Variants in PPFIBP2 observed in about 807,000 individuals in gnomAD.
The protein encoded by PPFIBP2 is liprin-beta-2.
PPFIBP2 carries 118 observed loss-of-function variants against 118.3 expected under a neutral mutation model. The observed-to-expected ratio is 1.00, with a 90% CI of 0.86 to 1.16. The LOEUF (loss-of-function observed/expected upper bound fraction) is 1.16. Ranked by LOEUF, PPFIBP2 falls within the 50% of genes most tolerant of loss-of-function variation. The probability of loss-of-function intolerance (pLI) is 0.00; values close to 1 mark genes in which losing one functional copy is unlikely to be tolerated. For synonymous variants in PPFIBP2, 414 were observed against 397.4 expected (o/e 1.04, Z -0.50); for missense variants, 1,195 against 1,073.1 (o/e 1.11, Z -1.59).
intron 5 of PPFIBP2, among the ~76,000 whole-genome samples, chr11:7,606,247 A>C (rs1847326269): frequency 6.6e-6 from 1 of 152,198 alleles, no homozygotes; most frequent in Non-Finnish European, 1.5e-5. Context: ...GACGGGGAAG[A>C]ATGTGTAATA....
At chr11:7,658,487 T>C (rs1276534680), downstream of PPFIBP2, among the ~76,000 whole-genome samples, 1 of 90,212 alleles carries the variant, frequency 1.1e-5, no homozygotes, top group Non-Finnish European at 2.1e-5. Context: ...CATCATTTTT[T>C]ATGGCTGCAT....
chr11:7,666,347 C>A, the PPFIBP2 span: 1 of 743,896 alleles, frequency 1.3e-6, no homozygotes. Context: ...ACCCCCACAT[C>A]TGGTCCTACA....
downstream of PPFIBP2, chr11:7,656,607 T>TA: frequency 1.8e-6 from 1 of 556,628 alleles, no homozygotes; most frequent in Non-Finnish European, 3.1e-6. Context: ...ACTATAAACT[T>TA]ATAGTGCACC....
intron 1 of PPFIBP2, among the ~76,000 whole-genome samples, chr11:7,534,460 A>G (rs1199046207): frequency 6.6e-6 from 1 of 152,208 alleles, no homozygotes; most frequent in Non-Finnish European, 1.5e-5. Context: ...GGTTGAGGCA[A>G]TGAAATAATT....
At chr11:7,516,053 C>T (rs1459034152) in intron 1 of PPFIBP2, among the ~76,000 whole-genome samples, 1 of 152,220 alleles carries the variant, frequency 6.6e-6, no homozygotes, top group Admixed American at 6.5e-5. Context: ...GTTTGCAAAC[C>T]TGGCTATGCC....
rs1338197118 is a variant in PPFIBP2 at position 7,651,685 on chromosome 11, C to T, written c.2277C>T (p.Thr759=). Residue 759 remains threonine (T), a synonymous_variant, in exon 23 of 24, where the codon ACC becomes ACT. Transcript: ENST00000299492. ...TGGAGCCACGCTTCACTGGGGACAC[C>T]CTGGCTATGCTTCTCAACATCCCCC... ...IILEPRFTGD[T]LAMLLNIPPQ... The T allele has an allele frequency of 6.2e-7, 1 of 1,612,656 alleles. No homozygotes were observed. Among genetic ancestry groups the T allele is most frequent in the South Asian group, 1.1e-5 (1 of 90,914 alleles).
chr11:7,639,327 T>C (rs1184034619), intron 14 of PPFIBP2, among the ~76,000 whole-genome samples: 1 of 152,228 alleles, frequency 6.6e-6, no homozygotes, highest in African/African-American at 2.4e-5. Flanking sequence ...TGTATGTATG[T>C]ATGATAAAAC....
chr11:7,655,555 TTGGTG>T (rs796112167), downstream of PPFIBP2: 8 of 1,250,460 alleles, frequency 6.4e-6, no homozygotes, highest in South Asian at 1.2e-5. Flanking sequence ...CCCAGTGAGT[TTGGTG>T]TGGTGTGGTG....
intron 3 of PPFIBP2, among the ~76,000 whole-genome samples, chr11:7,575,017 C>G (rs961123355): frequency 1.3e-5 from 2 of 152,108 alleles, no homozygotes; most frequent in African/African-American, 4.8e-5. Context: ...CTGCACCCCC[C>G]ACCTTTGTTC....
At chr11:7,606,067 T>C in intron 5 of PPFIBP2, 2 of 1,512,104 alleles carry the variant, frequency 1.3e-6, no homozygotes, top group East Asian at 2.5e-5. Context: ...AGTAGGTTGG[T>C]TCCTTCGGTT....
chr11:7,617,456 A>T (rs1848793873), intron 6 of PPFIBP2, among the ~76,000 whole-genome samples: 1 of 152,008 alleles, frequency 6.6e-6, no homozygotes, highest in Admixed American at 6.6e-5. Flanking sequence ...TTGGGATGTG[A>T]GGTGAGCTCA....
chr11:7,530,480 A>G (rs886435889), intron 1 of PPFIBP2, among the ~76,000 whole-genome samples: 16 of 152,260 alleles, frequency 1.1e-4, no homozygotes, highest in African/African-American at 3.4e-4. Flanking sequence ...TGGAGCCCTC[A>G]TGCTTGAGAT....
rs1339984957 is a variant in PPFIBP2 at position 7,626,022 on chromosome 11, T to C, written c.826+131T>C. On this transcript the variant is annotated intron_variant, in intron 8 of 23. Coordinates refer to ENST00000299492, the MANE Select transcript of PPFIBP2 (RefSeq NM_003621.5). ...GTAGCCATGCTAATGGACATGCATG[T>C]ATGTGTGCAAGCGTGGCCAAGTGAA... The C allele has an allele frequency of 5.3e-6, 4 of 760,488 alleles. No homozygotes were observed. The African/African-American group carries it at 7.0e-5, about 13-fold the overall frequency. 47.1% of individuals were successfully genotyped at this position (760,488 alleles called of 1,614,324 possible).
At chr11:7,664,741 C>G in the PPFIBP2 span, among the ~76,000 whole-genome samples, 1 of 152,032 alleles carries the variant, frequency 6.6e-6, no homozygotes, top group Non-Finnish European at 1.5e-5. Flanking sequence ...TGGGGTCTCC[C>G]TTGAAAGCAG....
chr11:7,648,169 T>G (rs1031358209), intron 17 of PPFIBP2: 1 of 500,188 alleles, frequency 2.0e-6, no homozygotes, highest in Admixed American at 3.5e-5. Flanking sequence ...GATTTGAAAT[T>G]CAGATCTTGT....
chr11:7,600,745 G>T (rs1177767952), intron 5 of PPFIBP2, among the ~76,000 whole-genome samples: 3 of 152,226 alleles, frequency 2.0e-5, no homozygotes, highest in African/African-American at 7.2e-5. Flanking sequence ...CATCCTGTCT[G>T]AAGGCAGCAG....
intron 6 of PPFIBP2, chr11:7,617,066 T>A (rs922089842): frequency 2.9e-5 from 27 of 942,846 alleles, no homozygotes; most frequent in Non-Finnish European, 3.4e-5. Context: ...GTCTGAGAGC[T>A]GTCTGACCTG....
chr11:7,563,973 G>A (rs1854640136), intron 2 of PPFIBP2, among the ~76,000 whole-genome samples: 1 of 152,078 alleles, frequency 6.6e-6, no homozygotes, highest in Non-Finnish European at 1.5e-5. Context: ...AGACCATCCT[G>A]GCTAACACAG....
At chr11:7,538,956 A>G (rs1851498786) in intron 1 of PPFIBP2, among the ~76,000 whole-genome samples, 2 of 152,302 alleles carry the variant, frequency 1.3e-5, no homozygotes, top group Non-Finnish European at 2.9e-5. Context: ...TATGCGCCAA[A>G]TATTTTTGTT....
Sources: gnomAD v4.1 joint callset for allele counts (sites outside exome capture counted in the v4.1 genomes callset) on GRCh38, gnomAD v4.1.1 for gene constraint, MANE v1.5 for transcripts, NCBI Gene and HGNC (gene_info 2026-07-23, HGNC 2026-07-21) for gene names.